Variants in GCLC observed in about 807,000 individuals in gnomAD.
GCLC encodes the protein glutamate--cysteine ligase catalytic subunit.
Under a neutral mutation model 81.5 loss-of-function variants are expected in GCLC, and 30 were observed. That is an observed-to-expected ratio of 0.37 (90% CI 0.28 to 0.50). The LOEUF (loss-of-function observed/expected upper bound fraction) is 0.50, where lower values mean the gene tolerates loss of function less well. Ranked by LOEUF, GCLC falls within the 20% of genes least tolerant of loss-of-function variation. GCLC has a pLI of 0.96. For synonymous variants in GCLC, 262 were observed against 273.3 expected (o/e 0.96, Z 0.41); for missense variants, 556 against 777.4 (o/e 0.72, Z 3.39).
Position 53,505,381 on chromosome 6 carries a change from CAT to C in GCLC, c.1395+9_1395+10del. ...ATCTATACCCATCACCATAAAGAAA[CAT>C]ATCCTTACCTTTGACAGTGGAATGA... is the stretch of plus-strand genomic sequence containing the variant. On this transcript the variant is annotated intron_variant, in intron 12 of 15. Transcript: ENST00000650454. 3.3e-6 allele frequency: 4 copies of C among 1,230,128 alleles called. No homozygotes were observed. Among genetic ancestry groups the C allele is most frequent in the Non-Finnish European group, 4.8e-6 (4 of 830,284 alleles). The allele number at this position is 1,230,128 out of a possible 1,614,324, so 76.2% of individuals were successfully genotyped here.
At chr6:53,508,099 A>G (rs1764651510) in intron 8 of GCLC, among the ~76,000 whole-genome samples, 1 of 152,074 alleles carries the variant, frequency 6.6e-6, no homozygotes, top group South Asian at 2.1e-4. Context: ...CATCCTAGAG[A>G]TTCTTATTTA....
chr6:53,522,288 G>C (rs1003621766), intron 2 of GCLC, 127 bp downstream of exon 2: 16 of 688,898 alleles, frequency 2.3e-5, no homozygotes, highest in Middle Eastern at 2.4e-4. Flanking sequence ...TGAAACTATG[G>C]CAACCTGAAA....
Position 53,508,523 on chromosome 6 carries a change from T to C in GCLC, c.945+72A>G. 3 of 908,860 alleles carry C rather than the reference T, an allele frequency of 3.3e-6. No homozygotes were observed. In the South Asian group the frequency reaches 3.9e-5, roughly 12 times the overall value. The allele number at this position is 908,860 out of a possible 1,614,324, so 56.3% of individuals were successfully genotyped here. A position where few individuals can be genotyped will look rare whatever the true frequency, so the allele number is the denominator to read the frequency against. On this transcript the variant is annotated intron_variant, in intron 8 of 15. Transcript: ENST00000650454. Reference sequence around the variant, plus strand: ...AAAATTGCAGGGAGACATCCTGAAATTGCAAGTAGTTACAAAAGATCCATT... The same window carrying C: ...AAAATTGCAGGGAGACATCCTGAAACTGCAAGTAGTTACAAAAGATCCATT...
intron 1 of GCLC, among the ~76,000 whole-genome samples, chr6:53,541,362 G>A (rs886575623): frequency 6.6e-6 from 1 of 152,156 alleles, no homozygotes; most frequent in Non-Finnish European, 1.5e-5. Flanking sequence ...GTAGAGTGGG[G>A]CTTCTTTTTC....
In GCLC at chr6:53,513,926, A is replaced by C. The variant is rs1764806569; in HGVS notation, c.753+278T>G. 7.6e-6 allele frequency: 3 copies of C among 396,556 alleles called. No individual in the cohort carries two copies. In the Admixed American group the frequency reaches 1.2e-4, roughly 17 times the overall value. The allele number at this position is 396,556 out of a possible 1,614,324, so 24.6% of individuals were successfully genotyped here. On this transcript the variant is annotated intron_variant, in intron 6 of 15. Transcript: ENST00000650454. ...ATAAAAAGAGAAGGGAAACAATGAC[A>C]GAATATATTGCATTTTAAGTTAACT... is the stretch of plus-strand genomic sequence containing the variant.
intron 1 of GCLC, among the ~76,000 whole-genome samples, chr6:53,525,655 T>C (rs572703339): frequency 6.6e-6 from 1 of 152,338 alleles, no homozygotes; most frequent in East Asian, 1.9e-4. Context: ...ACATCAAATA[T>C]ATTTATGTAC....
At chr6:53,507,301 C>T (rs1298244375) in intron 9 of GCLC, among the ~76,000 whole-genome samples, 179 bp downstream of exon 9, 1 of 152,148 alleles carries the variant, frequency 6.6e-6, no homozygotes, top group Non-Finnish European at 1.5e-5. Flanking sequence ...TGCTAAAAAT[C>T]AAGAAAATCT....
chr6:53,522,334 C>T, intron 2 of GCLC, 81 bp downstream of exon 2: 2 of 845,270 alleles, frequency 2.4e-6, no homozygotes, highest in Admixed American at 1.7e-5. Flanking sequence ...GGCTATCCTG[C>T]CTCCAATAAT....
Position 53,534,577 on chromosome 6 carries a change from G to A in GCLC, c.150+9919C>T, listed in dbSNP as rs150150768. On this transcript the variant is annotated intron_variant, in intron 1 of 15. Coordinates refer to ENST00000650454, the MANE Select transcript of GCLC (RefSeq NM_001498.4). The stretch of plus-strand genomic sequence containing the variant: ...TAAGAAAGGATCCCTGAGAAACGGG[G>A]GAAAATCAGTGGGCCCTACAATTGC... Among the ~76,000 whole-genome samples the A allele has an allele frequency of 4.5e-3, 678 of 152,234 alleles. 4 individuals carry two copies. Among genetic ancestry groups the A allele is most frequent in the Admixed American group, 0.011 (161 of 15,294 alleles).
chr6:53,497,610 T>C lies in GCLC; in HGVS notation c.*1146A>G, dbSNP rs1009162055. 2 of 152,346 alleles carry C rather than the reference T, an allele frequency of 1.3e-5. No individual in the cohort carries two copies. The highest frequency in any genetic ancestry group is 2.4e-5 in the African/African-American group (1 of 41,302). 9.4% of individuals were successfully genotyped at this position (152,346 alleles called of 1,614,324 possible). On this transcript the variant is annotated 3_prime_UTR_variant, in exon 16 of 16. Transcript: ENST00000650454. Reference sequence around the variant, plus strand: ...CTGTAAAGATCTGCATAATCTACAATACAGAGTTATTTCAGAAGCAGTTGA... The same window carrying C: ...CTGTAAAGATCTGCATAATCTACAACACAGAGTTATTTCAGAAGCAGTTGA...
intron 12 of GCLC, chr6:53,500,776 T>C: frequency 2.0e-6 from 1 of 511,592 alleles, no homozygotes; most frequent in Non-Finnish European, 3.5e-6. Flanking sequence ...GTGGAACGTC[T>C]GCATTTCAAA....
At chr6:53,542,729 C>G (rs965885582) in intron 1 of GCLC, among the ~76,000 whole-genome samples, 2 of 152,156 alleles carry the variant, frequency 1.3e-5, no homozygotes, top group African/African-American at 2.4e-5. Flanking sequence ...TCAAAAGCAG[C>G]ACAGGGCCCG....
chr6:53,519,884 T>A (rs950625078), intron 3 of GCLC, among the ~76,000 whole-genome samples: 1 of 151,224 alleles, frequency 6.6e-6, no homozygotes, highest in Admixed American at 6.6e-5. Context: ...AAAAAAAAAA[T>A]AGAATTCCCA....
At chr6:53,544,457 C>G (rs1375068125) in intron 1 of GCLC, 39 bp downstream of exon 1, 1 of 1,599,700 alleles carries the variant, frequency 6.3e-7, no homozygotes, top group South Asian at 1.1e-5. Context: ...GGCGGCCAGA[C>G]ACGGGTGCCC....
chr6:53,544,532 C>G lies in GCLC; in HGVS notation c.114G>C (p.Lys38Asn). ...LQFLHIYHAVKDRHKDVLKWG... is the reference protein window; with the variant it reads ...LQFLHIYHAVNDRHKDVLKWG... ...ACTTGAGAACGTCCTTGTGCCGGTC[C>G]TTGACGGCGTGGTAGATGTGCAGGA... Residue 38 changes from lysine (K) to asparagine (N), a missense_variant, in exon 1 of 16, where the codon AAG becomes AAC. Coordinates refer to ENST00000650454, the MANE Select transcript of GCLC (RefSeq NM_001498.4). 1 of 1,609,154 alleles carries G rather than the reference C, an allele frequency of 6.2e-7. No homozygotes were observed. The highest frequency in any genetic ancestry group is 8.5e-7 in the Non-Finnish European group (1 of 1,179,630).
chr6:53,525,006 G>A (rs1304765447), intron 1 of GCLC, among the ~76,000 whole-genome samples: 3 of 152,146 alleles, frequency 2.0e-5, no homozygotes, highest in African/African-American at 7.2e-5. Flanking sequence ...CTCAATTAAA[G>A]TATAATCACT....
chr6:53,499,111 A>T, intron 15 of GCLC, 144 bp from the exon 16 acceptor site: 1 of 669,542 alleles, frequency 1.5e-6, no homozygotes. Context: ...AGGGGGTGGG[A>T]ACATCTTTCA....
intron 6 of GCLC, chr6:53,513,957 T>TA (rs1388427266): frequency 2.1e-6 from 1 of 474,540 alleles, no homozygotes. Flanking sequence ...TAACTGAAAT[T>TA]ACAGTTATAA....
chr6:53,516,728 C>A (rs1337336309), intron 3 of GCLC, among the ~76,000 whole-genome samples: 2 of 152,192 alleles, frequency 1.3e-5, no homozygotes, highest in Non-Finnish European at 2.9e-5. Flanking sequence ...CTATAGGTCA[C>A]CTCATGAGTC....
Sources: allele counts gnomAD v4.1 joint callset (sites outside exome capture counted in the v4.1 genomes callset), GRCh38; gene constraint gnomAD v4.1.1; transcripts MANE v1.5; gene names NCBI Gene and HGNC (gene_info 2026-07-23, HGNC 2026-07-21).